Variants in ATAD3B observed in about 807,000 individuals in gnomAD.
ATAD3B encodes the protein ATPase family AAA domain containing 3B, also known as ATPase family AAA domain-containing protein 3B.
A neutral mutation model predicts 70.2 loss-of-function variants in ATAD3B; 59 were observed. That is an observed-to-expected ratio of 0.84 (90% CI 0.68 to 1.04). The LOEUF is 1.04. ATAD3B is among the 50% of genes least tolerant of loss of function. The pLI is 0.00. For missense variants in ATAD3B, 961 were observed against 913.4 expected, an observed-to-expected ratio of 1.05 and a Z score of -0.67; for synonymous variants, 423 against 388.6, an observed-to-expected ratio of 1.09 and a Z score of -1.04.
At position 1,486,611 on chromosome 1, in the gene ATAD3B, G is replaced by A. The variant is rs860213; in HGVS notation, c.1157G>A (p.Arg386Gln). Residue 386 changes from arginine (R) to glutamine (Q), a missense_variant, in exon 11 of 16, where the codon CGG becomes CAG. Physicochemically the swap from Arg to Gln is conservative, Grantham distance 43. Coordinates refer to ENST00000673477, the MANE Select transcript of ATAD3B (RefSeq NM_031921.6). ...MTGGDVAPMGREGVTAMHKLF... is the reference protein window; with the variant it reads ...MTGGDVAPMGQEGVTAMHKLF... ...GGCGGGGACGTGGCCCCCATGGGGC[G>A]GGAAGGCGTGACCGCCATGCACAAG... is the stretch of plus-strand genomic sequence containing the variant. 0.13 allele frequency: 207,880 copies of A among 1,603,060 alleles called. 23,526 individuals carry two copies. The highest frequency in any genetic ancestry group is 0.59 in the East Asian group (25,974 of 43,818).
intron 1 of ATAD3B, among the ~76,000 whole-genome samples, chr1:1,473,121 A>G (rs920660856): frequency 2.2e-5 from 3 of 136,362 alleles, no homozygotes; most frequent in Non-Finnish European, 3.1e-5. Context: ...CAGCGCCCAG[A>G]CAGAAGGGAT....
chr1:1,482,724 C>A, intron 7 of ATAD3B, 110 bp downstream of exon 7: 6 of 1,553,608 alleles, frequency 3.9e-6, no homozygotes, highest in Middle Eastern at 3.4e-4. Flanking sequence ...CTGTAGCTCT[C>A]CCAGCACAGA....
At position 1,486,162 on chromosome 1, in the gene ATAD3B, A is replaced by G. The variant is rs1408097719; in HGVS notation, c.1016A>G (p.Lys339Arg). The G allele has an allele frequency of 3.7e-6, 6 of 1,613,166 alleles. No individual in the cohort carries two copies. The South Asian group carries it at 6.6e-5, about 18-fold the overall frequency. Residue 339 changes from lysine (K) to arginine (R), a missense_variant, in exon 10 of 16, where the codon AAG becomes AGG. Lys to Arg is a conservative substitution (Grantham distance 26). This residue lies in a region of ATAD3B where 349 missense variants were observed against 307.5 expected (regional missense o/e 1.14). Transcript: ENST00000673477. ...RDIAIATRNT[K>R]KNRGLYRHIL... ...ATCGCCATAGCAACCAGGAACACCAAGAAGAACCGGGGCCTGTACAGGCAC... is the reference window on the plus strand; with the variant it reads ...ATCGCCATAGCAACCAGGAACACCAGGAAGAACCGGGGCCTGTACAGGCAC...
chr1:1,480,089 G>A (rs1346354025), intron 4 of ATAD3B, among the ~76,000 whole-genome samples: 7 of 144,062 alleles, frequency 4.9e-5, no homozygotes, highest in Non-Finnish European at 7.5e-5. Context: ...GGGCACACGC[G>A]CACACCGCCG....
chr1:1,482,501 G>T, intron 6 of ATAD3B, 44 bp from the exon 7 acceptor site: 1 of 1,613,232 alleles, frequency 6.2e-7, no homozygotes, highest in Non-Finnish European at 8.5e-7. Context: ...TGCGTGGTAC[G>T]GATCTTCGTG....
At position 1,486,536 on chromosome 1, in the gene ATAD3B, T is replaced by A. The variant is rs201951488; in HGVS notation, c.1090-8T>A. ...TCTGTTCTGTCTCCCCTCACTCTTC[T>A]TGTCCAGAAACTCGCCCTGCACTCA... On this transcript the variant is annotated splice_polypyrimidine_tract_variant and splice_region_variant and intron_variant, in intron 10 of 15. Coordinates refer to ENST00000673477, the MANE Select transcript of ATAD3B (RefSeq NM_031921.6). 1 of 1,367,696 alleles carries A rather than the reference T, an allele frequency of 7.3e-7. No individual in the cohort carries two copies. Among genetic ancestry groups the A allele is most frequent in the African/African-American group, 1.7e-5 (1 of 57,462 alleles). 84.7% of individuals were successfully genotyped at this position (1,367,696 alleles called of 1,614,324 possible). A position where few individuals can be genotyped will look rare whatever the true frequency, so the allele number is the denominator to read the frequency against.
Position 1,485,768 on chromosome 1 carries a change from T to A in ATAD3B, c.907-14T>A, listed in dbSNP as rs1196962798. The A allele has an allele frequency of 1.2e-6, 2 of 1,612,630 alleles. No homozygotes were observed. Among genetic ancestry groups the A allele is most frequent in the East Asian group, 4.5e-5 (2 of 44,848 alleles). On this transcript the variant is annotated splice_polypyrimidine_tract_variant and intron_variant, in intron 8 of 15. Coordinates refer to ENST00000673477, the MANE Select transcript of ATAD3B (RefSeq NM_031921.6). ...GCAGGTGACCCAATGGTGCTTCCCC[T>A]TCCCCTCCGGCAGGTCAGCCGGCGG...
At chr1:1,482,056 T>C in intron 5 of ATAD3B, 82 bp from the exon 6 acceptor site, 1 of 1,532,846 alleles carries the variant, frequency 6.5e-7, no homozygotes, top group Admixed American at 2.0e-5. Flanking sequence ...GGCCGGTCCG[T>C]GGCGTGGGCC....
At chr1:1,490,523 CCG>C (rs1413290452) in intron 14 of ATAD3B, 38 bp from the exon 15 acceptor site, 1 of 1,610,628 alleles carries the variant, frequency 6.2e-7, no homozygotes, top group African/African-American at 1.3e-5. Context: ...GGTGTGGGGT[CCG>C]CGGCCTTGGC....
At chr1:1,484,992 G>A (rs748583762) in intron 7 of ATAD3B, 24 bp from the exon 8 acceptor site, 19 of 1,593,198 alleles carry the variant, frequency 1.2e-5, no homozygotes, top group Middle Eastern at 2.3e-4. Flanking sequence ...GGGCCGGTGC[G>A]CCAGTGCGGT....
In ATAD3B at chr1:1,490,358, A is replaced by G; in HGVS notation, c.1439A>G (p.Glu480Gly). 1 of 1,613,348 alleles carries G rather than the reference A, an allele frequency of 6.2e-7. No homozygotes were observed. The highest frequency in any genetic ancestry group is 1.1e-5 in the South Asian group (1 of 91,022). ...MVHFDLPQQE[E>G]RERLVRLHFD... ...CACTTCGACCTGCCGCAGCAGGAGG[A>G]GCGGGAGCGCCTGGTGAGACTGCAT... The change falls in exon 14 of 16, where the codon GAG (glutamate) becomes GGG (glycine). Residue 480 changes from glutamate to glycine, a missense_variant. This residue lies in a region of ATAD3B where 417 missense variants were observed against 335.0 expected (regional missense o/e 1.24). Transcript: ENST00000673477.
At chr1:1,491,736 G>A (rs1228724669) in intron 15 of ATAD3B, among the ~76,000 whole-genome samples, 1 of 151,978 alleles carries the variant, frequency 6.6e-6, no homozygotes, top group Admixed American at 6.6e-5. Flanking sequence ...TTTGAACGTA[G>A]GAGCCGGGGT....
At chr1:1,500,781 G>T (rs538646512), downstream of ATAD3B, among the ~76,000 whole-genome samples, 475 of 150,560 alleles carry the variant, frequency 3.2e-3, no homozygotes, top group African/African-American at 0.01. Flanking sequence ...GTGAAACCCC[G>T]TCTCTACTAA....
chr1:1,500,602 C>T (rs1640921961), downstream of ATAD3B, among the ~76,000 whole-genome samples: 2 of 148,856 alleles, frequency 1.3e-5, no homozygotes, highest in East Asian at 4.0e-4. Flanking sequence ...TTCATTCAGT[C>T]TAATATATAT....
At chr1:1,478,493 G>C in intron 2 of ATAD3B, 151 bp from the exon 3 acceptor site, 1 of 1,548,996 alleles carries the variant, frequency 6.5e-7, no homozygotes, top group African/African-American at 1.4e-5. Context: ...CCTGATCCTG[G>C]GTGCAGATGC....
downstream of ATAD3B, among the ~76,000 whole-genome samples, chr1:1,499,399 G>A (rs539426538): frequency 6.8e-6 from 1 of 147,354 alleles, no homozygotes; most frequent in South Asian, 2.2e-4. Context: ...ACCACGCCCA[G>A]CTACTTTTTG....
chr1:1,509,462 C>A, the ATAD3B span: 1 of 1,583,168 alleles, frequency 6.3e-7, no homozygotes, highest in Admixed American at 1.7e-5. Context: ...CCCACGGGGG[C>A]CGCACCGCTG....
the ATAD3B span, among the ~76,000 whole-genome samples, chr1:1,508,059 T>C: frequency 2.0e-5 from 3 of 152,180 alleles, no homozygotes; most frequent in African/African-American, 4.8e-5. Flanking sequence ...CGTAGCCCCT[T>C]TCCTCTGCTG....
intron 8 of ATAD3B, 93 bp from the exon 9 acceptor site, chr1:1,485,689 G>A (rs558462389): frequency 1.2e-5 from 19 of 1,564,706 alleles, no homozygotes; most frequent in Non-Finnish European, 1.7e-5. Context: ...GGGCAGCTCC[G>A]TTTCTGTGTG....
Sources: allele counts gnomAD v4.1 joint callset (sites outside exome capture counted in the v4.1 genomes callset), GRCh38; gene constraint gnomAD v4.1.1; regional missense constraint gnomAD v4.1.1; transcripts MANE v1.5; gene names NCBI Gene and HGNC (gene_info 2026-07-23, HGNC 2026-07-21).